Variants in UBXN2A observed in about 807,000 individuals in gnomAD.
UBXN2A encodes the protein UBX domain-containing protein 2A.
A neutral mutation model predicts 28.4 loss-of-function variants in UBXN2A; 28 were observed. The observed-to-expected ratio is 0.99, with a 90% CI of 0.73 to 1.35. The LOEUF is 1.35. UBXN2A is among the 40% of genes most tolerant of loss of function. The pLI is 0.00. For synonymous variants in UBXN2A, 97 were observed against 103.6 expected (o/e 0.94, Z 0.39); for missense variants, 253 against 297.9 (o/e 0.85, Z 1.11).
At chr2:23,951,048 T>C (rs10167308) in intron 1 of UBXN2A, among the ~76,000 whole-genome samples, 1,893 of 152,300 alleles carry the variant, frequency 0.012, 36 homozygotes, top group African/African-American at 0.043. Flanking sequence ...TCAGTACTTA[T>C]GTACATTATG....
At chr2:23,986,790 TA>T (rs1708151307) in intron 6 of UBXN2A, among the ~76,000 whole-genome samples, 1 of 152,118 alleles carries the variant, frequency 6.6e-6, no homozygotes, top group African/African-American at 2.4e-5. Context: ...GTATTTTTAG[TA>T]GAGATGGGGT....
intron 2 of UBXN2A, among the ~76,000 whole-genome samples, chr2:23,966,562 T>C (rs1350046051): frequency 3.3e-4 from 49 of 150,220 alleles, no homozygotes; most frequent in Middle Eastern, 3.5e-3. Flanking sequence ...ACGCCATTCT[T>C]CTGCCTCAGC....
Position 23,984,827 on chromosome 2 carries a change from C to CA in UBXN2A, c.581dup (p.His194GlnfsTer2). 1 of 1,545,272 alleles carries CA rather than the reference C, an allele frequency of 6.5e-7. No homozygotes were observed. ...GATTGTCCAGAAATTTAACATTACT[C>CA]ATAGGTGAGTCTTCAATTTCAGTAT... On this transcript the variant is annotated frameshift_variant, in exon 6 of 7. Coordinates refer to ENST00000309033, the MANE Select transcript of UBXN2A (RefSeq NM_181713.4). LOFTEE classifies it high-confidence loss of function.
At chr2:23,986,140 C>T (rs886825353) in intron 6 of UBXN2A, among the ~76,000 whole-genome samples, 1 of 151,930 alleles carries the variant, frequency 6.6e-6, no homozygotes, top group African/African-American at 2.4e-5. Flanking sequence ...AACCCTGTCT[C>T]TACTAAAAAT....
At chr2:23,969,756 G>A (rs1467662537) in intron 2 of UBXN2A, among the ~76,000 whole-genome samples, 1 of 152,042 alleles carries the variant, frequency 6.6e-6, no homozygotes, top group African/African-American at 2.4e-5. Context: ...GGAGGTTGAG[G>A]CAGCAGTGAG....
intron 1 of UBXN2A, among the ~76,000 whole-genome samples, chr2:23,932,595 C>T (rs570825873): frequency 1.2e-3 from 188 of 152,256 alleles, no homozygotes; most frequent in Non-Finnish European, 1.8e-3. Context: ...TTCATAACAA[C>T]ACACTGATCA....
intron 6 of UBXN2A, among the ~76,000 whole-genome samples, chr2:23,993,144 G>C (rs1200723299): frequency 1.3e-5 from 2 of 152,188 alleles, no homozygotes; most frequent in Non-Finnish European, 2.9e-5. Context: ...TTGTGTCCTG[G>C]AATGTTCTTT....
chr2:23,983,345 A>T (rs1262716727), intron 5 of UBXN2A, among the ~76,000 whole-genome samples: 2 of 152,064 alleles, frequency 1.3e-5, no homozygotes, highest in Admixed American at 6.6e-5. Flanking sequence ...GTCTCTACTA[A>T]AAATACAAAA....
At chr2:23,948,945 C>CTT (rs777506305) in intron 1 of UBXN2A, among the ~76,000 whole-genome samples, 2,141 of 131,768 alleles carry the variant, frequency 0.016, 44 homozygotes, top group Middle Eastern at 0.036. Flanking sequence ...TCTCTTGTAG[C>CTT]TTTTTTTTTT....
At chr2:23,962,463 T>C (rs1458100568) in intron 2 of UBXN2A, among the ~76,000 whole-genome samples, 1 of 152,154 alleles carries the variant, frequency 6.6e-6, no homozygotes, top group African/African-American at 2.4e-5. Flanking sequence ...TACCAAAATA[T>C]ATATCAGATA....
upstream of UBXN2A, among the ~76,000 whole-genome samples, chr2:23,938,190 G>A (rs1229592650): frequency 6.6e-6 from 1 of 152,192 alleles, no homozygotes; most frequent in East Asian, 1.9e-4. Context: ...CTCCGGCTGG[G>A]TGTGTTGGCT....
chr2:23,929,069 C>A (rs778397207), intron 1 of UBXN2A, among the ~76,000 whole-genome samples: 1 of 152,116 alleles, frequency 6.6e-6, no homozygotes, highest in Non-Finnish European at 1.5e-5. Context: ...GGGAGGATGG[C>A]TTGAGACCAG....
At chr2:23,977,200 T>C (rs1461396966) in intron 4 of UBXN2A, 125 bp downstream of exon 4, 3 of 648,966 alleles carry the variant, frequency 4.6e-6, no homozygotes, top group Non-Finnish European at 7.7e-6. Flanking sequence ...TCATCTCTAC[T>C]TAAAAAAAGA....
intron 2 of UBXN2A, among the ~76,000 whole-genome samples, chr2:23,961,539 CTTTTTTTTT>C (rs71395167): frequency 3.9e-5 from 2 of 51,272 alleles, no homozygotes; most frequent in African/African-American, 7.4e-5. Context: ...AGAAAACTGC[CTTTTTTTTT>C]TTTTTTTTTT....
intron 1 of UBXN2A, among the ~76,000 whole-genome samples, chr2:23,942,785 A>T (rs1287470748): frequency 6.6e-6 from 1 of 151,720 alleles, no homozygotes; most frequent in Admixed American, 6.6e-5. Flanking sequence ...TTTCTTTTTT[A>T]AACTTTTATA....
At chr2:23,973,952 TAATG>T (rs1297447852) in intron 3 of UBXN2A, among the ~76,000 whole-genome samples, 1 of 149,044 alleles carries the variant, frequency 6.7e-6, no homozygotes, top group Non-Finnish European at 1.5e-5. Flanking sequence ...TATTTTCTAA[TAATG>T]AATGAAGTGA....
At chr2:23,937,423 G>A (rs1055546119), upstream of UBXN2A, among the ~76,000 whole-genome samples, 2 of 152,008 alleles carry the variant, frequency 1.3e-5, no homozygotes, top group African/African-American at 4.8e-5. Context: ...GGTGGCACAC[G>A]TCTGTGGTCC....
intron 6 of UBXN2A, among the ~76,000 whole-genome samples, chr2:23,989,663 G>A (rs1027270993): frequency 2.0e-5 from 3 of 152,004 alleles, no homozygotes; most frequent in African/African-American, 7.2e-5. Context: ...AGCACTTTGG[G>A]AGGCCAAGGC....
chr2:23,958,379 C>G, intron 2 of UBXN2A, 24 bp downstream of exon 2: 1 of 1,585,976 alleles, frequency 6.3e-7, no homozygotes, highest in Non-Finnish European at 8.6e-7. Context: ...AACTGAATTG[C>G]TTTGTTAATG....
Sources: gnomAD v4.1 joint callset for allele counts (sites outside exome capture counted in the v4.1 genomes callset) on GRCh38, gnomAD v4.1.1 for gene constraint, MANE v1.5 for transcripts, NCBI Gene and HGNC (gene_info 2026-07-23, HGNC 2026-07-21) for gene names.